TAF3: variants seen among roughly 807,000 people sequenced by gnomAD.
The protein encoded by TAF3 is TATA-box binding protein associated factor 3, also known as transcription initiation factor TFIID subunit 3.
Under a neutral mutation model 80.6 loss-of-function variants are expected in TAF3, and 7 were observed. The observed-to-expected ratio is 0.09, with a 90% CI of 0.05 to 0.16. The LOEUF (loss-of-function observed/expected upper bound fraction) is 0.16, where lower values mean the gene tolerates loss of function less well. Ranked by LOEUF, TAF3 falls within the 10% of genes least tolerant of loss-of-function variation. The probability of loss-of-function intolerance (pLI) is 1.00; values close to 1 mark genes in which losing one functional copy is unlikely to be tolerated. For synonymous variants in TAF3, 444 were observed against 446.1 expected (o/e 1.00, Z 0.06); for missense variants, 921 against 1,140.2 (o/e 0.81, Z 2.77).
intron 2 of TAF3, among the ~76,000 whole-genome samples, chr10:7,946,322 T>A (rs761365163): frequency 4.6e-5 from 7 of 152,298 alleles, no homozygotes; most frequent in Middle Eastern, 3.4e-3. Flanking sequence ...GTCCACATGC[T>A]GTCCCTGCAC....
At chr10:7,992,870 C>G (rs1831848024) in intron 4 of TAF3, among the ~76,000 whole-genome samples, 1 of 152,178 alleles carries the variant, frequency 6.6e-6, no homozygotes, top group Non-Finnish European at 1.5e-5. Context: ...ATACTTGATT[C>G]TTTTTGTCTT....
At chr10:7,835,237 A>C (rs1836840149) in intron 2 of TAF3, among the ~76,000 whole-genome samples, 1 of 152,230 alleles carries the variant, frequency 6.6e-6, no homozygotes, top group Non-Finnish European at 1.5e-5. Context: ...GTCACACACA[A>C]AAAAGTCATA....
At chr10:7,938,561 A>G (rs554279209) in intron 2 of TAF3, among the ~76,000 whole-genome samples, 49 of 152,364 alleles carry the variant, frequency 3.2e-4, no homozygotes, top group Non-Finnish European at 5.7e-4. Context: ...GTCAGACAAA[A>G]AAAAGAAAAC....
At chr10:7,922,482 A>T (rs1837772526) in intron 2 of TAF3, among the ~76,000 whole-genome samples, 1 of 152,092 alleles carries the variant, frequency 6.6e-6, no homozygotes, top group African/African-American at 2.4e-5. Flanking sequence ...ATACCTCAAT[A>T]TCTTTTTAAA....
At chr10:7,980,975 G>A (rs1831720512) in intron 4 of TAF3, among the ~76,000 whole-genome samples, 1 of 152,126 alleles carries the variant, frequency 6.6e-6, no homozygotes, top group Admixed American at 6.5e-5. Context: ...GAAAATAGGA[G>A]CAAGGTAATG....
At chr10:7,922,313 T>A (rs1431862382) in intron 2 of TAF3, among the ~76,000 whole-genome samples, 2 of 152,116 alleles carry the variant, frequency 1.3e-5, no homozygotes, top group African/African-American at 2.4e-5. Context: ...TCTTTATTGC[T>A]GTTTCATAGA....
At chr10:7,864,026 C>T (rs1371312530) in intron 2 of TAF3, among the ~76,000 whole-genome samples, 2 of 152,092 alleles carry the variant, frequency 1.3e-5, no homozygotes, top group East Asian at 3.9e-4. Flanking sequence ...TATCCTTCCC[C>T]ACTGTCAGTA....
chr10:7,914,147 T>C (rs543714300), intron 2 of TAF3, among the ~76,000 whole-genome samples: 11 of 152,338 alleles, frequency 7.2e-5, no homozygotes, highest in African/African-American at 2.2e-4. Context: ...ACTAAGATTG[T>C]CATTAATTTG....
intron 2 of TAF3, among the ~76,000 whole-genome samples, chr10:7,865,477 T>TCAAACAAACAAA (rs373125256): frequency 8.1e-5 from 12 of 147,294 alleles, no homozygotes; most frequent in South Asian, 4.4e-4. Flanking sequence ...AGACTCCGTC[T>TCAAACAAACAAA]CAAACAAACA....
At chr10:7,819,979 T>C (rs1432199151) in intron 1 of TAF3, among the ~76,000 whole-genome samples, 1 of 152,212 alleles carries the variant, frequency 6.6e-6, no homozygotes, top group Non-Finnish European at 1.5e-5. Flanking sequence ...GGTTACAGGC[T>C]AAAAATCGAA....
intron 4 of TAF3, among the ~76,000 whole-genome samples, chr10:7,993,557 G>C (rs1414393980): frequency 6.6e-6 from 1 of 152,148 alleles, no homozygotes; most frequent in Non-Finnish European, 1.5e-5. Flanking sequence ...TTCTGGATTT[G>C]TCTGTTTACT....
chr10:7,931,463 G>A (rs1047705353), intron 2 of TAF3, among the ~76,000 whole-genome samples: 5 of 152,108 alleles, frequency 3.3e-5, no homozygotes, highest in African/African-American at 1.2e-4. Flanking sequence ...TGTTAATTGT[G>A]ACATTGCATC....
At chr10:7,911,608 C>T (rs1181572922) in intron 2 of TAF3, among the ~76,000 whole-genome samples, 2 of 152,148 alleles carry the variant, frequency 1.3e-5, no homozygotes, top group Non-Finnish European at 2.9e-5. Flanking sequence ...GGACGTTTAC[C>T]AGAGGTTGCA....
intron 4 of TAF3, among the ~76,000 whole-genome samples, chr10:7,979,484 A>G (rs1831705329): frequency 6.6e-6 from 1 of 152,182 alleles, no homozygotes. Flanking sequence ...CACCTGAGAT[A>G]TTGAAAGATA....
At chr10:7,896,912 T>C (rs921148235) in intron 2 of TAF3, among the ~76,000 whole-genome samples, 4 of 152,166 alleles carry the variant, frequency 2.6e-5, no homozygotes, top group Admixed American at 6.5e-5. Flanking sequence ...TCCAACCTTC[T>C]TTATTGGTAG....
chr10:7,895,676 T>G (rs1018814994), intron 2 of TAF3, among the ~76,000 whole-genome samples: 1 of 152,186 alleles, frequency 6.6e-6, no homozygotes, highest in Non-Finnish European at 1.5e-5. Context: ...GCCTGGGCTT[T>G]GGAATGAGAC....
chr10:7,820,932 G>A (rs745809339), intron 1 of TAF3, among the ~76,000 whole-genome samples: 2 of 152,192 alleles, frequency 1.3e-5, no homozygotes, highest in African/African-American at 4.8e-5. Context: ...TGAGTATACC[G>A]TTAGTGATAG....
At chr10:7,991,647 C>G (rs1831835300) in intron 4 of TAF3, among the ~76,000 whole-genome samples, 1 of 152,112 alleles carries the variant, frequency 6.6e-6, no homozygotes, top group Non-Finnish European at 1.5e-5. Context: ...TTAGCCCACA[C>G]AGATGAATAT....
intron 2 of TAF3, among the ~76,000 whole-genome samples, chr10:7,846,805 G>A (rs1747347074): frequency 6.6e-6 from 1 of 152,058 alleles, no homozygotes; most frequent in Admixed American, 6.5e-5. Context: ...TTACTCATCA[G>A]TTATTTCCAA....
Sources: gnomAD v4.1 joint callset for allele counts (sites outside exome capture counted in the v4.1 genomes callset) on GRCh38, gnomAD v4.1.1 for gene constraint, MANE v1.5 for transcripts, NCBI Gene and HGNC (gene_info 2026-07-23, HGNC 2026-07-21) for gene names.